CDH23: variants seen among roughly 807,000 people sequenced by gnomAD.
CDH23 encodes the protein cadherin related 23.
A neutral mutation model predicts 317.1 loss-of-function variants in CDH23; 189 were observed. The ratio of observed to expected loss-of-function variants is 0.60; its 90% CI spans 0.53 to 0.67. The LOEUF (loss-of-function observed/expected upper bound fraction) is 0.67. Ranked by LOEUF, CDH23 falls within the 30% of genes least tolerant of loss-of-function variation. The pLI is 0.00. For missense variants in CDH23, 4,401 were observed against 4,592.4 expected (o/e 0.96, Z 1.20); for synonymous variants, 1,839 against 1,876.8 (o/e 0.98, Z 0.52).
At chr10:71,453,238 A>G (rs1275615989) in intron 3 of CDH23, among the ~76,000 whole-genome samples, 3 of 152,246 alleles carry the variant, frequency 2.0e-5, no homozygotes, top group Non-Finnish European at 4.4e-5. Flanking sequence ...GATTGGTCCC[A>G]GGCAGCGCCT....
At chr10:71,494,578 G>A (rs1240053020) in intron 3 of CDH23, among the ~76,000 whole-genome samples, 1 of 152,328 alleles carries the variant, frequency 6.6e-6, no homozygotes, top group East Asian at 1.9e-4. Context: ...ATGAGGTTGT[G>A]TGTGCAAAGT....
intron 30 of CDH23, among the ~76,000 whole-genome samples, chr10:71,729,173 T>C (rs1186928739): frequency 6.6e-6 from 1 of 152,220 alleles, no homozygotes; most frequent in Non-Finnish European, 1.5e-5. Context: ...GTTCATGATG[T>C]ACAGTGCACA....
chr10:71,751,064 C>T lies in CDH23; in HGVS notation c.4845+9143C>T, dbSNP rs41281322. On this transcript the variant is annotated intron_variant, in intron 38 of 69. Coordinates refer to ENST00000224721, the MANE Select transcript of CDH23 (RefSeq NM_022124.6). This position sits in a 1 kb window ranked among gnomAD's most constrained non-coding sequence, Gnocchi z 4.9. ...AAAATCCTTGGAACAGGGGCTGAGC[C>T]GTCCAGCATCCCCATGTAGCATCCA... 89 of 656,746 alleles carry T rather than the reference C, an allele frequency of 1.4e-4. No individual in the cohort carries two copies. The highest frequency in any genetic ancestry group is 6.2e-4 in the African/African-American group (33 of 53,482). The allele number at this position is 656,746 out of a possible 1,614,324, so 40.7% of individuals were successfully genotyped here.
intron 3 of CDH23, among the ~76,000 whole-genome samples, chr10:71,456,833 G>A (rs1034237178): frequency 6.6e-6 from 1 of 152,208 alleles, no homozygotes; most frequent in Non-Finnish European, 1.5e-5. Flanking sequence ...GGCTCAGAGA[G>A]GTTAAGTAAC....
At chr10:71,673,384 T>A (rs1864227367) in intron 14 of CDH23, among the ~76,000 whole-genome samples, 1 of 152,232 alleles carries the variant, frequency 6.6e-6, no homozygotes, top group South Asian at 2.1e-4. Flanking sequence ...AAGACCAAGC[T>A]GCAGTTGTAA....
At chr10:71,607,932 C>T (rs1860628243) in intron 9 of CDH23, among the ~76,000 whole-genome samples, 1 of 152,136 alleles carries the variant, frequency 6.6e-6, no homozygotes, top group Non-Finnish European at 1.5e-5. Flanking sequence ...TAAAAGAAAA[C>T]AGGCATGGCA....
At chr10:71,773,651 G>A (rs1840745299) in intron 38 of CDH23, 1 of 462,832 alleles carries the variant, frequency 2.2e-6, no homozygotes, top group South Asian at 3.7e-5. Context: ...GGGGCTTCCC[G>A]GAGGCCGGCC....
At chr10:71,441,935 G>A (rs1266921886) in intron 2 of CDH23, among the ~76,000 whole-genome samples, 1 of 152,180 alleles carries the variant, frequency 6.6e-6, no homozygotes, top group Non-Finnish European at 1.5e-5. Context: ...TCCCTTGGGC[G>A]AGTGTCTTAA....
intron 27 of CDH23, among the ~76,000 whole-genome samples, chr10:71,710,168 CT>C (rs376143676): frequency 6.6e-5 from 10 of 152,330 alleles, no homozygotes; most frequent in African/African-American, 2.2e-4. Flanking sequence ...TATTCTTCAA[CT>C]CACATGGTGG....
chr10:71,499,657 T>C (rs1834832913), intron 3 of CDH23, among the ~76,000 whole-genome samples: 2 of 151,440 alleles, frequency 1.3e-5, no homozygotes, highest in South Asian at 4.2e-4. Context: ...CTGACCAACA[T>C]GGAGAAACCT....
At chr10:71,663,291 G>A (rs897176732) in intron 14 of CDH23, among the ~76,000 whole-genome samples, 11 of 152,152 alleles carry the variant, frequency 7.2e-5, no homozygotes, top group East Asian at 3.9e-4. Context: ...TTCCAATGCC[G>A]GCTTTCGTAT....
chr10:71,725,927 C>T (rs1298578031), intron 30 of CDH23, among the ~76,000 whole-genome samples: 2 of 151,160 alleles, frequency 1.3e-5, no homozygotes, highest in Non-Finnish European at 3.0e-5. Context: ...AGAATCAGGA[C>T]TGGAGCCCCC....
intron 28 of CDH23, among the ~76,000 whole-genome samples, chr10:71,723,531 A>G (rs1210662951): frequency 1.3e-5 from 2 of 152,218 alleles, no homozygotes; most frequent in Non-Finnish European, 2.9e-5. Context: ...GCATGGAGCC[A>G]TTGTGTGGGA....
intron 3 of CDH23, among the ~76,000 whole-genome samples, chr10:71,499,729 C>T (rs1411452154): frequency 6.6e-6 from 1 of 151,852 alleles, no homozygotes; most frequent in Non-Finnish European, 1.5e-5. Flanking sequence ...ATCCCAGCTA[C>T]TTGGGAGGCT....
intron 22 of CDH23, among the ~76,000 whole-genome samples, chr10:71,698,320 T>C (rs938726901): frequency 3.3e-5 from 5 of 152,200 alleles, no homozygotes; most frequent in African/African-American, 1.2e-4. Flanking sequence ...GTATGTCTCA[T>C]TACCTTGGAG....
chr10:71,776,486 G>C (rs1840818813), intron 38 of CDH23, among the ~76,000 whole-genome samples: 1 of 152,166 alleles, frequency 6.6e-6, no homozygotes, highest in Admixed American at 6.5e-5. Flanking sequence ...TTTTATATTA[G>C]TCACTCATTA....
At chr10:71,586,748 A>G (rs1477255835) in intron 9 of CDH23, among the ~76,000 whole-genome samples, 2 of 152,188 alleles carry the variant, frequency 1.3e-5, no homozygotes, top group South Asian at 4.1e-4. Flanking sequence ...TATCGCATAT[A>G]TGTGGATGAC....
intron 1 of CDH23, among the ~76,000 whole-genome samples, chr10:71,420,491 A>ATGG (rs1848741529): frequency 1.2e-5 from 1 of 84,362 alleles, no homozygotes; most frequent in Non-Finnish European, 2.6e-5. Context: ...GGTGATGGTG[A>ATGG]TGATGGTAAT....
At chr10:71,621,275 G>A (rs1008520758) in intron 11 of CDH23, among the ~76,000 whole-genome samples, 4 of 152,228 alleles carry the variant, frequency 2.6e-5, no homozygotes, top group Admixed American at 1.3e-4. Context: ...AAATGTGTTC[G>A]TTGAGTAAAT....
Sources: allele counts gnomAD v4.1 joint callset (sites outside exome capture counted in the v4.1 genomes callset), GRCh38; gene constraint gnomAD v4.1.1; non-coding constraint Gnocchi (gnomAD v3.1); transcripts MANE v1.5; gene names NCBI Gene and HGNC (gene_info 2026-07-23, HGNC 2026-07-21).